The following ARHGEF37 variants were observed in gnomAD, a reference collection of about 807,000 sequenced individuals.
ARHGEF37 encodes Rho guanine nucleotide exchange factor 37, also known as Rho guanine nucleotide exchange factor (GEF) 37.
A neutral mutation model predicts 71.1 loss-of-function variants in ARHGEF37; 55 were observed. That is an observed-to-expected ratio of 0.77 (90% confidence interval 0.62 to 0.97). The LOEUF is 0.97. ARHGEF37 is among the 50% of genes least tolerant of loss of function. ARHGEF37 has a pLI of 0.00. For synonymous variants in ARHGEF37, 327 were observed against 350.6 expected, an observed-to-expected ratio of 0.93 and a Z score of 0.75; for missense variants, 765 against 836.8, an observed-to-expected ratio of 0.91 and a Z score of 1.06.
At chr5:149,553,506 A>G (rs924698273) in intron 1 of ARHGEF37, among the ~76,000 whole-genome samples, 23 of 151,856 alleles carry the variant, frequency 1.5e-4, no homozygotes, top group African/African-American at 5.6e-4. Flanking sequence ...ATTTTCTCAC[A>G]CACATCCAAA....
intron 1 of ARHGEF37, among the ~76,000 whole-genome samples, chr5:149,553,900 G>A (rs1015058483): frequency 2.6e-5 from 4 of 152,206 alleles, no homozygotes; most frequent in Admixed American, 6.5e-5. Flanking sequence ...GGGTGCAGTG[G>A]CTCACACCTG....
intron 1 of ARHGEF37, among the ~76,000 whole-genome samples, chr5:149,587,155 G>C (rs1006315860): frequency 6.6e-6 from 1 of 152,170 alleles, no homozygotes; most frequent in Non-Finnish European, 1.5e-5. Context: ...TGGCTGAAAT[G>C]AGTCATGCCA....
intron 10 of ARHGEF37, among the ~76,000 whole-genome samples, chr5:149,625,306 T>G (rs1046157540): frequency 2.0e-5 from 3 of 152,188 alleles, no homozygotes; most frequent in African/African-American, 7.2e-5. Context: ...GTTTTAAAAG[T>G]AACTGAAGCA....
intron 12 of ARHGEF37, among the ~76,000 whole-genome samples, chr5:149,629,397 G>A (rs770219316): frequency 6.6e-6 from 1 of 152,214 alleles, no homozygotes; most frequent in Admixed American, 6.5e-5. Context: ...AAAGTTAATA[G>A]CAGAGGTAAG....
chr5:149,588,546 G>C (rs138814111), intron 1 of ARHGEF37, among the ~76,000 whole-genome samples: 4 of 151,826 alleles, frequency 2.6e-5, no homozygotes, highest in African/African-American at 7.3e-5. Flanking sequence ...TGATCTGCCC[G>C]CCTGACCTTC....
chr5:149,598,763 T>TAGATAGAG (rs1554122093), intron 2 of ARHGEF37, among the ~76,000 whole-genome samples: 1 of 131,062 alleles, frequency 7.6e-6, no homozygotes, highest in African/African-American at 2.7e-5. Context: ...TATATAGATA[T>TAGATAGAG]AGATATAGAT....
Position 149,627,078 on chromosome 5 carries a change from G to T in ARHGEF37, c.1467G>T (p.Pro489=), listed in dbSNP as rs772857613. 2.5e-6 allele frequency: 4 copies of T among 1,609,722 alleles called. No homozygotes were observed. The highest frequency in any genetic ancestry group is 2.5e-6 in the Non-Finnish European group (3 of 1,177,436). The change falls in exon 11 of 13, where the codon CCG becomes CCT. Residue 489 remains proline (P), a splice_region_variant and synonymous_variant. Coordinates refer to ENST00000333677, the MANE Select transcript of ARHGEF37 (RefSeq NM_001001669.3). The stretch of plus-strand genomic sequence containing the variant: ...TGTCTGTGCTCCTCCTCTCCCAGCC[G>T]CTCCTTCCAGGGTCTGAACGCCAGG... ...EKVQPPPTTQ[P]LLPGSERQVQ... is the part of the protein sequence containing the mutation.
In ARHGEF37 at chr5:149,609,550, A is replaced by T; in HGVS notation, c.313A>T (p.Asn105Tyr). 1.2e-6 allele frequency: 2 copies of T among 1,613,806 alleles called. No homozygotes were observed. The highest frequency in any genetic ancestry group is 1.7e-6 in the Non-Finnish European group (2 of 1,179,830). ...KEEEQVQLVG[N>Y]IFLEFQEELE... ...CCTTGTTGCGTCTTCACTCTCAGGT[A>T]ACATATTTCTGGAATTCCAAGAGGA... The change falls in exon 4 of 13, where the codon AAC becomes TAC. Residue 105 changes from asparagine to tyrosine, a missense_variant and splice_region_variant. Coordinates refer to ENST00000333677, the MANE Select transcript of ARHGEF37 (RefSeq NM_001001669.3).
In ARHGEF37 at chr5:149,621,841, G is replaced by C. The variant is rs758147850; in HGVS notation, c.1114G>C (p.Glu372Gln). ...KKRLDKLLDF[E>Q]RVEEKLLEVG... ...GCGTCTGGACAAGCTACTGGACTTTGAGCGGGTGGAAGAGAAGCTGCTGGA... is the reference window on the plus strand; with the variant it reads ...GCGTCTGGACAAGCTACTGGACTTTCAGCGGGTGGAAGAGAAGCTGCTGGA... The change falls in exon 9 of 13, where the codon GAG becomes CAG. Residue 372 changes from glutamate (E) to glutamine (Q), a missense_variant. Glu to Gln is a conservative substitution (Grantham distance 29). This residue lies in a region of ARHGEF37 where 390 missense variants were observed against 407.4 expected (regional missense o/e 0.96). Transcript: ENST00000333677. The C allele has an allele frequency of 6.2e-7, 1 of 1,614,126 alleles. No homozygotes were observed. The highest frequency in any genetic ancestry group is 1.3e-5 in the African/African-American group (1 of 74,940).
intron 1 of ARHGEF37, among the ~76,000 whole-genome samples, chr5:149,569,817 C>T (rs1056113844): frequency 6.6e-5 from 10 of 152,090 alleles, no homozygotes; most frequent in African/African-American, 2.4e-4. Context: ...GCGAGGGTTT[C>T]ACTATGTTTG....
intron 3 of ARHGEF37, 52 bp from the exon 4 acceptor site, chr5:149,609,496 G>A: frequency 6.2e-7 from 1 of 1,600,008 alleles, no homozygotes; most frequent in Non-Finnish European, 8.6e-7. Flanking sequence ...TTCCAAGCTA[G>A]GGGACACACA....
At chr5:149,591,213 T>C (rs534383122) in intron 1 of ARHGEF37, among the ~76,000 whole-genome samples, 1 of 135,900 alleles carries the variant, frequency 7.4e-6, no homozygotes, top group African/African-American at 2.8e-5. Context: ...GCTAGGACTT[T>C]TGTGTTCCAT....
upstream of ARHGEF37, chr5:149,581,371 A>G (rs1763101990): frequency 6.6e-6 from 1 of 152,190 alleles, no homozygotes; most frequent in African/African-American, 2.4e-5. Flanking sequence ...TGACTCCGGG[A>G]GCAGCGAACA....
At chr5:149,553,674 G>T (rs940462398) in intron 1 of ARHGEF37, among the ~76,000 whole-genome samples, 1 of 152,202 alleles carries the variant, frequency 6.6e-6, no homozygotes. Context: ...AAAGATCTGT[G>T]TATGGACAGG....
rs751297275 is a variant in ARHGEF37 at position 149,575,671 on chromosome 5, A to ATTTTTTTTTTTTTTTTTTTTTTTTTTT, written c.-11-22087_-11-22061dup. On this transcript the variant is annotated intron_variant, in intron 1 of 2. Coordinates refer to the ARHGEF37 transcript ENST00000505810. The stretch of plus-strand genomic sequence containing the variant: ...TTTCTGTCACTGCAACCAAATGACT[A>ATTTTTTTTTTTTTTTTTTTTTTTTTTT]TTTTTTTTTTTTTTTTTTTTTTTTT... 1.9e-5 allele frequency among the ~76,000 whole-genome samples: 2 copies of ATTTTTTTTTTTTTTTTTTTTTTTTTTT among 107,284 alleles called. 1 individual carries two copies. The highest frequency in any genetic ancestry group is 6.8e-5 in the African/African-American group (2 of 29,400). 70.4% of individuals were successfully genotyped at this position (107,284 alleles called of 152,430 possible).
upstream of ARHGEF37, among the ~76,000 whole-genome samples, chr5:149,579,614 C>T (rs76975328): frequency 2.6e-5 from 4 of 152,004 alleles, no homozygotes; most frequent in East Asian, 7.7e-4. Flanking sequence ...CAGAGTCTCA[C>T]TCTGTCGCCC....
chr5:149,612,923 T>C lies in ARHGEF37; in HGVS notation c.458+3228T>C, dbSNP rs116822708. Among the ~76,000 whole-genome samples the C allele has an allele frequency of 3.3e-3, 509 of 152,336 alleles. 3 individuals carry two copies. Among genetic ancestry groups the C allele is most frequent in the African/African-American group, 0.012 (491 of 41,578 alleles). On this transcript the variant is annotated intron_variant, in intron 4 of 12. Coordinates refer to ENST00000333677, the MANE Select transcript of ARHGEF37 (RefSeq NM_001001669.3). ...TTTGGGTAGGATGTTCATTCTGTCT[T>C]TTAAGGCAACTCTTCCCATCTGAGA... is the stretch of plus-strand genomic sequence containing the variant.
At chr5:149,573,348 A>G (rs1762989722) in intron 1 of ARHGEF37, among the ~76,000 whole-genome samples, 4 of 152,170 alleles carry the variant, frequency 2.6e-5, no homozygotes, top group Admixed American at 2.6e-4. Flanking sequence ...ACATTAGCCA[A>G]TTCCCCAAAA....
chr5:149,632,397 A>G lies in ARHGEF37; in HGVS notation c.*206A>G, dbSNP rs988263922. The G allele has an allele frequency of 1.5e-5, 9 of 598,300 alleles. No individual in the cohort carries two copies. The Middle Eastern group carries it at 1.3e-3, about 89-fold the overall frequency. The allele number at this position is 598,300 out of a possible 1,614,324, so 37.1% of individuals were successfully genotyped here. A position where few individuals can be genotyped will look rare whatever the true frequency, so the allele number is the denominator to read the frequency against. On this transcript the variant is annotated 3_prime_UTR_variant, in exon 13 of 13. Transcript: ENST00000333677. ...GGGGGCACAGGAGGCTCCAGCCAGGACTGCTCATTATGTCTGCATAAAGAA... is the reference window on the plus strand; with the variant it reads ...GGGGGCACAGGAGGCTCCAGCCAGGGCTGCTCATTATGTCTGCATAAAGAA...
Sources: allele counts gnomAD v4.1 joint callset (sites outside exome capture counted in the v4.1 genomes callset), GRCh38; gene constraint gnomAD v4.1.1; regional missense constraint gnomAD v4.1.1; transcripts MANE v1.5; gene names NCBI Gene and HGNC (gene_info 2026-07-23, HGNC 2026-07-21).